The following PRKD3 variants were observed in gnomAD, a reference collection of about 807,000 sequenced individuals.
The protein encoded by PRKD3 is protein kinase D3.
In PRKD3, 47 loss-of-function variants were observed where a neutral mutation model predicts 99.2. The ratio of observed to expected loss-of-function variants is 0.47; its 90% CI spans 0.38 to 0.60. The LOEUF (loss-of-function observed/expected upper bound fraction) is 0.60. PRKD3 is among the 20% of genes least tolerant of loss of function. PRKD3 has a pLI of 0.00. For missense variants in PRKD3, 1,019 were observed against 1,088.4 expected (o/e 0.94, Z 0.90); for synonymous variants, 392 against 355.4 (o/e 1.10, Z -1.16).
intron 7 of PRKD3, among the ~76,000 whole-genome samples, chr2:37,280,402 T>C (rs1435765794): frequency 6.6e-6 from 1 of 152,170 alleles, no homozygotes; most frequent in Non-Finnish European, 1.5e-5. Context: ...GGCACAAAGT[T>C]AATTAATTTG....
chr2:37,285,426 C>G (rs928001300), intron 6 of PRKD3, among the ~76,000 whole-genome samples: 3 of 151,858 alleles, frequency 2.0e-5, no homozygotes, highest in Non-Finnish European at 4.4e-5. Context: ...CGGGTGGGTC[C>G]CTATCATAAT....
chr2:37,311,701 G>A (rs185921370), intron 2 of PRKD3, among the ~76,000 whole-genome samples: 2 of 152,042 alleles, frequency 1.3e-5, no homozygotes, highest in African/African-American at 4.8e-5. Flanking sequence ...TGGCACTCAC[G>A]GGACAAAATA....
At chr2:37,299,159 TG>T (rs557439121) in intron 2 of PRKD3, among the ~76,000 whole-genome samples, 135 of 152,294 alleles carry the variant, frequency 8.9e-4, no homozygotes, top group African/African-American at 3.1e-3. Context: ...TTTTACTGAA[TG>T]TTTTTTTGGC....
At chr2:37,313,252 C>G (rs1376301440) in intron 2 of PRKD3, among the ~76,000 whole-genome samples, 6 of 151,720 alleles carry the variant, frequency 4.0e-5, no homozygotes, top group Admixed American at 6.6e-5. Context: ...ACCCTGTGTT[C>G]CAATAAAACT....
Position 37,316,840 on chromosome 2 carries a change from C to T in PRKD3, c.-316G>A, listed in dbSNP as rs1399211075. 29 of 1,110,620 alleles carry T rather than the reference C, an allele frequency of 2.6e-5. No homozygotes were observed. In the East Asian group the frequency reaches 8.5e-4, roughly 33 times the overall value. The allele number at this position is 1,110,620 out of a possible 1,614,324, so 68.8% of individuals were successfully genotyped here. A position where few individuals can be genotyped will look rare whatever the true frequency, so the allele number is the denominator to read the frequency against. The stretch of plus-strand genomic sequence containing the variant: ...GGATAGAGTTGACGTAGCTTATTTA[C>T]GAATCTATTTTCCTTTCAGTCTGTA... On this transcript the variant is annotated 5_prime_UTR_variant, in exon 2 of 19. Transcript: ENST00000234179.
At chr2:37,305,091 AG>A (rs770865453) in intron 2 of PRKD3, among the ~76,000 whole-genome samples, 2 of 152,244 alleles carry the variant, frequency 1.3e-5, no homozygotes, top group Non-Finnish European at 2.9e-5. Flanking sequence ...CAGCTGTAGT[AG>A]AAAGAATGGA....
intron 3 of PRKD3, among the ~76,000 whole-genome samples, chr2:37,292,500 C>T (rs1247639160): frequency 6.6e-6 from 1 of 152,036 alleles, no homozygotes. Flanking sequence ...CCCACCACCA[C>T]GCCTGGCCAA....
At position 37,316,980 on chromosome 2, in the gene PRKD3, T is replaced by C; in HGVS notation, c.-456A>G. On this transcript the variant is annotated 5_prime_UTR_variant, in exon 2 of 19. Transcript: ENST00000234179. ...TTTTGGATTAATCTATTCAGTACTT[T>C]TCCTTTGGTTTACTAATTTGATAGG... The C allele has an allele frequency of 1.0e-6, 1 of 988,074 alleles. No homozygotes were observed. The allele number at this position is 988,074 out of a possible 1,614,324, so 61.2% of individuals were successfully genotyped here.
At chr2:37,314,050 A>G (rs1267147835) in intron 2 of PRKD3, among the ~76,000 whole-genome samples, 3 of 152,226 alleles carry the variant, frequency 2.0e-5, no homozygotes, top group Non-Finnish European at 4.4e-5. Context: ...GAACTGATAA[A>G]ACTGAAAGGA....
intron 7 of PRKD3, among the ~76,000 whole-genome samples, chr2:37,280,510 A>G (rs538517377): frequency 6.6e-6 from 1 of 152,384 alleles, no homozygotes; most frequent in East Asian, 1.9e-4. Flanking sequence ...AAGAGTGTCA[A>G]GAAAATTCAA....
intron 2 of PRKD3, among the ~76,000 whole-genome samples, chr2:37,315,888 C>T (rs1671634984): frequency 2.0e-5 from 3 of 152,092 alleles, no homozygotes; most frequent in African/African-American, 7.2e-5. Flanking sequence ...CCATGTTTGG[C>T]TAATTTTTGT....
At chr2:37,290,022 T>C (rs763509172) in intron 4 of PRKD3, among the ~76,000 whole-genome samples, 12 of 152,208 alleles carry the variant, frequency 7.9e-5, no homozygotes, top group Non-Finnish European at 1.3e-4. Context: ...TTGTCTATGA[T>C]TGGTTTCATA....
At chr2:37,293,655 A>G (rs1670548168) in intron 2 of PRKD3, among the ~76,000 whole-genome samples, 1 of 152,240 alleles carries the variant, frequency 6.6e-6, no homozygotes, top group African/African-American at 2.4e-5. Flanking sequence ...AAAATTCTTC[A>G]GTAGATCTCA....
intron 6 of PRKD3, among the ~76,000 whole-genome samples, chr2:37,283,541 A>G (rs1158789269): frequency 6.6e-6 from 1 of 152,166 alleles, no homozygotes; most frequent in Non-Finnish European, 1.5e-5. Flanking sequence ...TGGAGAATAA[A>G]ATTTACTTTA....
At chr2:37,269,565 C>T in intron 13 of PRKD3, 50 bp downstream of exon 13, 1 of 1,489,030 alleles carries the variant, frequency 6.7e-7, no homozygotes, top group Non-Finnish European at 9.4e-7. Flanking sequence ...TTTACATTTT[C>T]CAGTTTTTAA....
intron 14 of PRKD3, among the ~76,000 whole-genome samples, chr2:37,262,349 ACT>A (rs1018506498): frequency 3.9e-5 from 6 of 152,140 alleles, no homozygotes; most frequent in Non-Finnish European, 8.8e-5. Context: ...TGTTTAATAA[ACT>A]CTCTGAGGCA....
chr2:37,297,284 C>T (rs1215014905), intron 2 of PRKD3, among the ~76,000 whole-genome samples: 1 of 151,906 alleles, frequency 6.6e-6, no homozygotes, highest in Non-Finnish European at 1.5e-5. Flanking sequence ...TTTAAATTTA[C>T]TTTTAAAATA....
intron 3 of PRKD3, chr2:37,292,915 G>A (rs1670502145): frequency 8.2e-6 from 3 of 366,974 alleles, no homozygotes; most frequent in Admixed American, 4.0e-5. Flanking sequence ...CAAAGTGCTG[G>A]GCTTACAGGT....
intron 1 of PRKD3, among the ~76,000 whole-genome samples, chr2:37,322,997 C>A (rs1280014774): frequency 6.6e-6 from 1 of 151,916 alleles, no homozygotes. Context: ...AACAAAATGT[C>A]CCTTAAGAAA....
Sources: gnomAD v4.1 joint callset for allele counts (sites outside exome capture counted in the v4.1 genomes callset) on GRCh38, gnomAD v4.1.1 for gene constraint, MANE v1.5 for transcripts, NCBI Gene and HGNC (gene_info 2026-07-23, HGNC 2026-07-21) for gene names.